MYO9A: variants seen among roughly 807,000 people sequenced by gnomAD.
MYO9A encodes the protein myosin IXA, also known as unconventional myosin-IXa.
Under a neutral mutation model 293.3 loss-of-function variants are expected in MYO9A, and 103 were observed. The ratio of observed to expected loss-of-function variants is 0.35; its 90% CI spans 0.30 to 0.41. The LOEUF (loss-of-function observed/expected upper bound fraction) is 0.41. MYO9A is among the 10% of genes least tolerant of loss of function. The pLI is 1.00. For synonymous variants in MYO9A, 1,001 were observed against 1,035.7 expected (o/e 0.97, Z 0.64); for missense variants, 2,685 against 3,033.0 (o/e 0.89, Z 2.69).
intron 12 of MYO9A, among the ~76,000 whole-genome samples, chr15:71,977,703 T>A (rs1294947168): frequency 1.3e-5 from 2 of 151,934 alleles, no homozygotes; most frequent in South Asian, 2.1e-4. Context: ...TGAATTCAAG[T>A]AATGAAGCCC....
chr15:71,873,113 C>T (rs1003832197), intron 32 of MYO9A, among the ~76,000 whole-genome samples: 8 of 151,940 alleles, frequency 5.3e-5, no homozygotes, highest in East Asian at 1.9e-4. Flanking sequence ...GATGGGGTTT[C>T]GCCATGTTGG....
chr15:72,101,718 C>T lies in MYO9A; in HGVS notation c.-72+15962G>A, dbSNP rs1393273017. On this transcript the variant is annotated intron_variant, in intron 1 of 41. Transcript: ENST00000356056. ...GGGGTCAGCCCCCCGCCCGGCCAGC[C>T]GCCCCGTCTGGGAGGTGAGGGGCGC... Among the ~76,000 whole-genome samples the T allele has an allele frequency of 5.2e-5, 6 of 114,420 alleles. No individual in the cohort carries two copies. In the East Asian group the frequency reaches 7.8e-4, roughly 15 times the overall value. The allele number at this position is 114,420 out of a possible 152,430, so 75.1% of individuals were successfully genotyped here.
In MYO9A at chr15:72,089,447, C is replaced by A. The variant is rs184275779; in HGVS notation, c.-72+28233G>T. Among the ~76,000 whole-genome samples the A allele has an allele frequency of 1.7e-3, 261 of 152,234 alleles. 2 individuals carry two copies. The highest frequency in any genetic ancestry group is 6.1e-3 in the African/African-American group (252 of 41,552). ...AAAGTGCTAGGACTGCAGGCATCAG[C>A]CACTGTGCCCGGCAGGATGGGTCAT... On this transcript the variant is annotated intron_variant, in intron 1 of 41. Coordinates refer to ENST00000356056, the MANE Select transcript of MYO9A (RefSeq NM_006901.4).
intron 32 of MYO9A, among the ~76,000 whole-genome samples, 178 bp downstream of exon 32, chr15:71,875,613 A>G (rs2056659113): frequency 6.6e-6 from 1 of 152,170 alleles, no homozygotes; most frequent in Non-Finnish European, 1.5e-5. Flanking sequence ...GCTATCATTG[A>G]TAACAAGTCC....
intron 1 of MYO9A, among the ~76,000 whole-genome samples, chr15:72,106,107 G>A (rs184137883): frequency 6.6e-6 from 1 of 152,236 alleles, no homozygotes; most frequent in Admixed American, 6.5e-5. Flanking sequence ...AAAAATATTA[G>A]GATGATTAAT....
chr15:72,077,750 A>AT (rs1472952149), intron 1 of MYO9A, among the ~76,000 whole-genome samples: 80 of 45,770 alleles, frequency 1.7e-3, no homozygotes, highest in African/African-American at 7.0e-3. Flanking sequence ...AAAAAAAAAA[A>AT]AAATATATAT....
rs1229110125 is a variant in MYO9A at position 71,916,480 on chromosome 15, C to T, written c.2575G>A (p.Val859Ile). The T allele has an allele frequency of 1.9e-6, 3 of 1,607,020 alleles. No individual in the cohort carries two copies. The highest frequency in any genetic ancestry group is 2.5e-6 in the Non-Finnish European group (3 of 1,178,236). ...KPALPKHLLE[V>I]NSLKHLTRLT... ...CTTGTCAGGTGCTTTAAAGAATTTA[C>T]TTCTAGCAAGTGCTGAAAGAAGAGA... The change falls in exon 19 of 42, where the codon GTA becomes ATA. Residue 859 changes from valine (V) to isoleucine (I), a missense_variant. Physicochemically the swap from Val to Ile is conservative, Grantham distance 29. Around this residue, in one of 10 missense-constraint regions of MYO9A, gnomAD observed 1,434 missense variants for 1,497.7 expected, o/e 0.96. Coordinates refer to ENST00000356056, the MANE Select transcript of MYO9A (RefSeq NM_006901.4).
intron 9 of MYO9A, among the ~76,000 whole-genome samples, chr15:71,997,045 T>G (rs2076718204): frequency 6.6e-6 from 1 of 152,126 alleles, no homozygotes; most frequent in African/African-American, 2.4e-5. Flanking sequence ...TGCCAAGATA[T>G]TAAGTCTGTA....
At chr15:71,905,046 C>A in intron 19 of MYO9A, 40 bp from the exon 20 acceptor site, 1 of 1,490,448 alleles carries the variant, frequency 6.7e-7, no homozygotes, top group Non-Finnish European at 9.2e-7. Context: ...CTCTTCCATT[C>A]CAAACTATTA....
chr15:72,049,642 G>A (rs1402410825), intron 1 of MYO9A, among the ~76,000 whole-genome samples: 3 of 152,216 alleles, frequency 2.0e-5, no homozygotes, highest in South Asian at 4.1e-4. Context: ...CTGTCAGATC[G>A]TCAGCAGCAT....
intron 1 of MYO9A, among the ~76,000 whole-genome samples, chr15:72,057,274 T>C (rs916379100): frequency 1.3e-5 from 2 of 151,924 alleles, no homozygotes; most frequent in Admixed American, 6.6e-5. Context: ...ATCTCAAAAA[T>C]AAAAATTAAA....
At chr15:71,855,110 A>G (rs1485681089) in intron 34 of MYO9A, among the ~76,000 whole-genome samples, 1 of 152,076 alleles carries the variant, frequency 6.6e-6, no homozygotes, top group Non-Finnish European at 1.5e-5. Context: ...AGCGTATCTG[A>G]TATCACACTT....
intron 1 of MYO9A, among the ~76,000 whole-genome samples, chr15:72,101,444 C>A (rs982578083): frequency 1.5e-5 from 2 of 130,950 alleles, no homozygotes; most frequent in African/African-American, 5.9e-5. Flanking sequence ...CCAGGCCAGC[C>A]GCCCCGTCCG....
chr15:71,867,629 A>G (rs1158536338), intron 32 of MYO9A, among the ~76,000 whole-genome samples: 1 of 152,112 alleles, frequency 6.6e-6, no homozygotes, highest in African/African-American at 2.4e-5. Flanking sequence ...ACTTGAGTAT[A>G]AGAAAAGATA....
Position 71,880,613 on chromosome 15 carries a change from T to A in MYO9A, c.5399-55A>T, listed in dbSNP as rs74022465. On this transcript the variant is annotated intron_variant, in intron 28 of 41. Transcript: ENST00000356056. ...ACACATTTAGTAAATATATTGATAA[T>A]CTTCACATCCTTCTTTTTAAAGTTC... The A allele has an allele frequency of 4.0e-4, 573 of 1,417,432 alleles. 1 individual carries two copies. In the African/African-American group the frequency reaches 7.2e-3, roughly 18 times the overall value. The allele number at this position is 1,417,432 out of a possible 1,614,324, so 87.8% of individuals were successfully genotyped here.
rs2929524 is a variant in MYO9A at position 71,998,727 on chromosome 15, G to A, written c.1470+1124C>T. Among the ~76,000 whole-genome samples, 11 of 151,656 alleles carry A rather than the reference G, an allele frequency of 7.3e-5. No homozygotes were observed. The South Asian group carries it at 2.3e-3, about 32-fold the overall frequency. On this transcript the variant is annotated intron_variant, in intron 9 of 41. Coordinates refer to ENST00000356056, the MANE Select transcript of MYO9A (RefSeq NM_006901.4). ...ATATCTCCTAATGCTATCCCTCCCC[G>A]CTTCCCCCACCGCACAACAGTCCCC...
intron 1 of MYO9A, among the ~76,000 whole-genome samples, chr15:72,107,934 A>T (rs2080633629): frequency 6.6e-6 from 1 of 152,228 alleles, no homozygotes; most frequent in African/African-American, 2.4e-5. Flanking sequence ...TTAAGCATTT[A>T]CTGTTCTCTT....
chr15:72,108,826 A>C (rs1254096759), intron 1 of MYO9A, among the ~76,000 whole-genome samples: 1 of 146,886 alleles, frequency 6.8e-6, no homozygotes, highest in Admixed American at 6.9e-5. Flanking sequence ...GCAATGGTGC[A>C]ATCTCAGCTC....
intron 10 of MYO9A, among the ~76,000 whole-genome samples, chr15:71,991,622 T>C (rs1236483531): frequency 1.3e-5 from 2 of 152,220 alleles, no homozygotes; most frequent in African/African-American, 2.4e-5. Context: ...CTCCTGGCTA[T>C]ACCAAGAGGA....
Sources: gnomAD v4.1 joint callset for allele counts (sites outside exome capture counted in the v4.1 genomes callset) on GRCh38, gnomAD v4.1.1 for gene constraint, gnomAD v4.1.1 regional missense constraint, MANE v1.5 for transcripts, NCBI Gene and HGNC (gene_info 2026-07-23, HGNC 2026-07-21) for gene names.